Variants in ITK observed in about 807,000 individuals in gnomAD.
ITK encodes IL2 inducible T cell kinase.
A neutral mutation model predicts 87.6 loss-of-function variants in ITK; 45 were observed. The observed-to-expected ratio is 0.51, with a 90% CI of 0.40 to 0.66. The LOEUF is 0.66. Among genes scored for constraint, ITK ranks in the 30% least tolerant of loss-of-function variants. The pLI is 0.00. For synonymous variants in ITK, 303 were observed against 273.6 expected, an observed-to-expected ratio of 1.11 and a Z score of -1.06; for missense variants, 605 against 766.3, an observed-to-expected ratio of 0.79 and a Z score of 2.48.
chr5:157,188,250 A>C (rs1371276138), intron 1 of ITK, among the ~76,000 whole-genome samples: 1 of 152,180 alleles, frequency 6.6e-6, no homozygotes, highest in East Asian at 1.9e-4. Context: ...TGTTATCCAC[A>C]CAACACCTAG....
At chr5:157,222,573 A>G (rs1253233305) in intron 5 of ITK, among the ~76,000 whole-genome samples, 1 of 152,232 alleles carries the variant, frequency 6.6e-6, no homozygotes, top group Non-Finnish European at 1.5e-5. Flanking sequence ...TGATGCATCC[A>G]GCAGAGAGGC....
intron 1 of ITK, among the ~76,000 whole-genome samples, chr5:157,206,815 T>G (rs974599580): frequency 6.6e-6 from 1 of 152,156 alleles, no homozygotes; most frequent in African/African-American, 2.4e-5. Context: ...TCTATCCTAT[T>G]AATTTTTTCA....
At chr5:157,248,129 C>T (rs977164362) in intron 15 of ITK, among the ~76,000 whole-genome samples, 1 of 152,158 alleles carries the variant, frequency 6.6e-6, no homozygotes, top group African/African-American at 2.4e-5. Context: ...GGGGATCATG[C>T]TTTGGGAATG....
At chr5:157,186,188 A>C (rs1454327203) in intron 1 of ITK, among the ~76,000 whole-genome samples, 1 of 152,294 alleles carries the variant, frequency 6.6e-6, no homozygotes, top group Admixed American at 6.5e-5. Context: ...GGGTTATTAC[A>C]CAGTATGCAA....
At chr5:157,241,788 G>T (rs1390276159) in intron 11 of ITK, 68 bp downstream of exon 11, 2 of 1,126,906 alleles carry the variant, frequency 1.8e-6, no homozygotes, top group Admixed American at 1.7e-5. Flanking sequence ...GAATAAACTG[G>T]CCATGAGCCT....
chr5:157,194,770 C>T (rs1753820263), intron 1 of ITK, among the ~76,000 whole-genome samples: 1 of 152,100 alleles, frequency 6.6e-6, no homozygotes, highest in Admixed American at 6.6e-5. Flanking sequence ...TTAAAGTTTC[C>T]TCCTAGAATA....
chr5:157,222,186 C>T (rs1182807050), intron 5 of ITK, among the ~76,000 whole-genome samples: 1 of 152,156 alleles, frequency 6.6e-6, no homozygotes, highest in African/African-American at 2.4e-5. Context: ...GTCTGCTAAC[C>T]CATAGCAGGC....
intron 6 of ITK, among the ~76,000 whole-genome samples, chr5:157,227,698 G>T (rs1221627881): frequency 1.3e-5 from 2 of 151,910 alleles, no homozygotes; most frequent in Admixed American, 1.3e-4. Flanking sequence ...ATTTCACAAT[G>T]AGGAGAACAG....
chr5:157,212,842 A>G (rs1484173283), intron 3 of ITK, among the ~76,000 whole-genome samples: 1 of 151,176 alleles, frequency 6.6e-6, no homozygotes, highest in Non-Finnish European at 1.5e-5. Flanking sequence ...CCCTGTTCTT[A>G]CCCCACCAAA....
chr5:157,243,603 A>ACT lies in ITK; in HGVS notation c.1061-7_1061-6dup, dbSNP rs767819758. 1.4e-5 allele frequency: 22 copies of ACT among 1,586,274 alleles called. No homozygotes were observed. The highest frequency in any genetic ancestry group is 2.7e-5 in the African/African-American group (2 of 74,112). On this transcript the variant is annotated intron_variant, in intron 11 of 16. Coordinates refer to ENST00000422843, the MANE Select transcript of ITK (RefSeq NM_005546.4). ...ATCTACTGCTTGCTGACCCCAGAGA[A>ACT]CTCTCTCTCTCTCTTCCAGGGAAAT...
intron 1 of ITK, among the ~76,000 whole-genome samples, chr5:157,196,082 C>T (rs1753851122): frequency 6.6e-6 from 1 of 152,114 alleles, no homozygotes; most frequent in Non-Finnish European, 1.5e-5. Flanking sequence ...GAGGGTGCTG[C>T]TAAATATCCT....
intron 8 of ITK, among the ~76,000 whole-genome samples, chr5:157,233,327 G>A (rs1367481399): frequency 3.9e-5 from 6 of 152,116 alleles, no homozygotes; most frequent in African/African-American, 1.4e-4. Flanking sequence ...GACAAATGCA[G>A]AAAAAAGAGC....
At chr5:157,230,606 A>G (rs183399266) in intron 7 of ITK, among the ~76,000 whole-genome samples, 2 of 152,324 alleles carry the variant, frequency 1.3e-5, no homozygotes, top group Admixed American at 1.3e-4. Context: ...CTGAAATAAA[A>G]CATATAGGGT....
intron 8 of ITK, among the ~76,000 whole-genome samples, chr5:157,236,142 G>C (rs1022408858): frequency 6.6e-6 from 1 of 152,308 alleles, no homozygotes; most frequent in South Asian, 2.1e-4. Flanking sequence ...GGGAGGCCGA[G>C]GCAGGCGGAT....
chr5:157,234,928 TATA>T (rs1182325571), intron 8 of ITK, among the ~76,000 whole-genome samples: 1 of 152,174 alleles, frequency 6.6e-6, no homozygotes, highest in South Asian at 2.1e-4. Flanking sequence ...GAACTTCAAG[TATA>T]ATAATAATAA....
In ITK at chr5:157,254,553, T is replaced by C. The variant is rs897784778; in HGVS notation, c.*1875T>C. 2 of 220,854 alleles carry C rather than the reference T, an allele frequency of 9.1e-6. No homozygotes were observed. The highest frequency in any genetic ancestry group is 4.5e-5 in the African/African-American group (2 of 44,656). The allele number at this position is 220,854 out of a possible 1,614,324, so 13.7% of individuals were successfully genotyped here. On this transcript the variant is annotated 3_prime_UTR_variant, in exon 17 of 17. Coordinates refer to ENST00000422843, the MANE Select transcript of ITK (RefSeq NM_005546.4). The stretch of plus-strand genomic sequence containing the variant: ...TTTCTAAATCATGTGACGTTTTGAC[T>C]GGCTTGAGATTCAGATGCATAATTT...
intron 5 of ITK, among the ~76,000 whole-genome samples, chr5:157,220,683 T>C (rs776374366): frequency 6.6e-6 from 1 of 152,166 alleles, no homozygotes; most frequent in Non-Finnish European, 1.5e-5. Context: ...ACTCAGTTTC[T>C]CCAAATGCCA....
At chr5:157,186,512 T>C (rs1156438794) in intron 1 of ITK, among the ~76,000 whole-genome samples, 1 of 151,996 alleles carries the variant, frequency 6.6e-6, no homozygotes, top group Non-Finnish European at 1.5e-5. Context: ...CCATTTCTAC[T>C]AAAAACACAA....
chr5:157,200,240 A>G (rs891850835), intron 1 of ITK, among the ~76,000 whole-genome samples: 1 of 151,996 alleles, frequency 6.6e-6, no homozygotes. Context: ...GATGCTTGGG[A>G]TGAAACATCA....
Sources: gnomAD v4.1 joint callset for allele counts (sites outside exome capture counted in the v4.1 genomes callset) on GRCh38, gnomAD v4.1.1 for gene constraint, MANE v1.5 for transcripts, NCBI Gene and HGNC (gene_info 2026-07-23, HGNC 2026-07-21) for gene names.